The following CNRIP1 variants were observed in gnomAD, a reference collection of about 807,000 sequenced individuals.
CNRIP1 encodes the protein cannabinoid receptor interacting protein 1, also known as CB1 cannabinoid receptor-interacting protein 1.
CNRIP1 carries 10 observed loss-of-function variants against 15.2 expected under a neutral mutation model. The observed-to-expected ratio is 0.66, with a 90% CI of 0.41 to 1.12. The LOEUF is 1.12. CNRIP1 is among the 50% of genes most tolerant of loss of function. The probability of loss-of-function intolerance (pLI) is 0.00; values close to 1 mark genes in which losing one functional copy is unlikely to be tolerated. For synonymous variants in CNRIP1, 91 were observed against 83.2 expected (o/e 1.09, Z -0.51); for missense variants, 211 against 214.7 (o/e 0.98, Z 0.11).
intron 2 of CNRIP1, among the ~76,000 whole-genome samples, chr2:68,300,560 T>C (rs1313949918): frequency 6.6e-6 from 1 of 151,780 alleles, no homozygotes; most frequent in African/African-American, 2.4e-5. Context: ...GAGGTTGCAG[T>C]GAGCTGAGAT....
intron 2 of CNRIP1, among the ~76,000 whole-genome samples, chr2:68,307,237 G>A (rs1671888822): frequency 6.6e-6 from 1 of 152,050 alleles, no homozygotes; most frequent in Admixed American, 6.5e-5. Context: ...TTATACAATT[G>A]TATGTATTGT....
At chr2:68,298,443 T>G (rs1291781421) in intron 2 of CNRIP1, among the ~76,000 whole-genome samples, 1 of 152,044 alleles carries the variant, frequency 6.6e-6, no homozygotes, top group Non-Finnish European at 1.5e-5. Flanking sequence ...GAAATAAAAG[T>G]TGGTTATAAA....
intron 2 of CNRIP1, among the ~76,000 whole-genome samples, chr2:68,306,321 CAA>C (rs35066190): frequency 9.8e-4 from 84 of 85,658 alleles, no homozygotes; most frequent in Admixed American, 1.7e-3. Flanking sequence ...GATCCTATCT[CAA>C]AAAAAAAAAA....
chr2:68,286,972 G>T (rs1545290), intron 2 of CNRIP1, among the ~76,000 whole-genome samples: 13,061 of 152,236 alleles, frequency 0.086, 865 homozygotes, highest in East Asian at 0.19. Context: ...GTCAATGAAT[G>T]CTAATTTTGT....
intron 2 of CNRIP1, among the ~76,000 whole-genome samples, chr2:68,299,146 G>T (rs1158557072): frequency 6.6e-6 from 1 of 152,160 alleles, no homozygotes; most frequent in Non-Finnish European, 1.5e-5. Context: ...AATGATAGGA[G>T]CAGGACAAGA....
At chr2:68,308,046 G>T (rs1249574056) in intron 2 of CNRIP1, among the ~76,000 whole-genome samples, 1 of 151,904 alleles carries the variant, frequency 6.6e-6, no homozygotes, top group African/African-American at 2.4e-5. Context: ...TTTAAAAATT[G>T]GCTTGGCGTG....
chr2:68,286,436 T>C (rs1671034374), intron 2 of CNRIP1, among the ~76,000 whole-genome samples: 1 of 151,986 alleles, frequency 6.6e-6, no homozygotes, highest in Admixed American at 6.6e-5. Context: ...GGGTTTTGAG[T>C]TGGAAAAAAC....
intron 2 of CNRIP1, among the ~76,000 whole-genome samples, chr2:68,304,457 T>C (rs1422619486): frequency 6.6e-6 from 1 of 151,870 alleles, no homozygotes; most frequent in African/African-American, 2.4e-5. Flanking sequence ...TTTGAAGGTA[T>C]GTTTTAAGAA....
intron 2 of CNRIP1, chr2:68,316,373 C>G (rs1672271826): frequency 6.6e-6 from 1 of 152,148 alleles, no homozygotes; most frequent in East Asian, 1.9e-4. Context: ...AGAGGGCAGA[C>G]AGTTGAAGGT....
chr2:68,292,926 A>T, downstream of CNRIP1: 1 of 665,116 alleles, frequency 1.5e-6, no homozygotes. Context: ...ATCCTGTAGC[A>T]TACAGGCCTG....
In CNRIP1 at chr2:68,303,049, G is replaced by A. The variant is rs181693871; in HGVS notation, c.331-9023C>T. 9.5e-3 allele frequency among the ~76,000 whole-genome samples: 1,440 copies of A among 151,928 alleles called. 29 individuals carry two copies. Among genetic ancestry groups the A allele is most frequent in the African/African-American group, 0.033 (1,359 of 41,466 alleles). The stretch of plus-strand genomic sequence containing the variant: ...TTTTTAGTAGAGACGGGGTTTCACT[G>A]TGTTAGCCAGGATGGTCTCGATCTC... On this transcript the variant is annotated intron_variant, in intron 2 of 2. Transcript: ENST00000263655.
chr2:68,293,046 T>G lies in CNRIP1; in HGVS notation c.*816A>C. 1.0e-6 allele frequency: 1 copy of G among 985,402 alleles called. No individual in the cohort carries two copies. The highest frequency in any genetic ancestry group is 1.2e-6 in the Non-Finnish European group (1 of 829,906). The allele number at this position is 985,402 out of a possible 1,614,324, so 61.0% of individuals were successfully genotyped here. A position where few individuals can be genotyped will look rare whatever the true frequency, so the allele number is the denominator to read the frequency against. On this transcript the variant is annotated 3_prime_UTR_variant, in exon 3 of 3. Transcript: ENST00000263655. Reference sequence around the variant, plus strand: ...GCCTTTATTAAGAAATATCAAAAGTTGATTACAGGTCCATATGCAGTTTTA... The same window carrying G: ...GCCTTTATTAAGAAATATCAAAAGTGGATTACAGGTCCATATGCAGTTTTA...
chr2:68,302,558 C>T (rs1671650827), intron 2 of CNRIP1, among the ~76,000 whole-genome samples: 2 of 152,154 alleles, frequency 1.3e-5, no homozygotes, highest in African/African-American at 2.4e-5. Flanking sequence ...CTAGAATTAT[C>T]TGAAGATCAT....
chr2:68,293,370 A>G lies in CNRIP1; in HGVS notation c.*492T>C, dbSNP rs186735887. 9.5e-5 allele frequency: 94 copies of G among 986,792 alleles called. No individual in the cohort carries two copies. In the African/African-American group the frequency reaches 1.5e-3, roughly 16 times the overall value. 61.1% of individuals were successfully genotyped at this position (986,792 alleles called of 1,614,324 possible). On this transcript the variant is annotated 3_prime_UTR_variant, in exon 3 of 3. Coordinates refer to ENST00000263655, the MANE Select transcript of CNRIP1 (RefSeq NM_015463.3). ...TTGAGTCCCATTCACTGCTGTTTGT[A>G]TTACATTTTCACAAAGCCTGCTTTG...
chr2:68,309,584 G>A (rs1432273253), intron 2 of CNRIP1, among the ~76,000 whole-genome samples: 2 of 152,118 alleles, frequency 1.3e-5, no homozygotes, highest in African/African-American at 2.4e-5. Context: ...TCTAATCTAA[G>A]CACTGGCACT....
At chr2:68,307,453 C>T (rs1252773379) in intron 2 of CNRIP1, among the ~76,000 whole-genome samples, 2 of 152,164 alleles carry the variant, frequency 1.3e-5, no homozygotes, top group East Asian at 1.9e-4. Flanking sequence ...TCTGGAGTAG[C>T]TGAGACTACA....
At chr2:68,305,426 C>T (rs1384041259) in intron 2 of CNRIP1, among the ~76,000 whole-genome samples, 1 of 151,336 alleles carries the variant, frequency 6.6e-6, no homozygotes, top group African/African-American at 2.4e-5. Context: ...TTAGCAAGTC[C>T]CTGGATTATT....
Position 68,305,259 on chromosome 2 carries a change from A to AAAAAAAT in CNRIP1, c.331-11234_331-11233insATTTTTT, listed in dbSNP as rs1267101468. Among the ~76,000 whole-genome samples the AAAAAAAT allele has an allele frequency of 1.1e-3, 108 of 100,342 alleles. 1 individual carries two copies. Among genetic ancestry groups the AAAAAAAT allele is most frequent in the African/African-American group, 3.8e-3 (104 of 27,420 alleles). 65.8% of individuals were successfully genotyped at this position (100,342 alleles called of 152,430 possible). The stretch of plus-strand genomic sequence containing the variant: ...AACTCCGTCTCAAAAAAAAAAAAAA[A>AAAAAAAT]ATATATATATATATATGTGTGTGTG... On this transcript the variant is annotated intron_variant, in intron 2 of 2. Coordinates refer to ENST00000263655, the MANE Select transcript of CNRIP1 (RefSeq NM_015463.3).
At position 68,319,614 on chromosome 2, in the gene CNRIP1, C is replaced by T. The variant is rs1573044306; in HGVS notation, c.-214G>A. On this transcript the variant is annotated 5_prime_UTR_variant, in exon 1 of 3. Coordinates refer to ENST00000263655, the MANE Select transcript of CNRIP1 (RefSeq NM_015463.3). ...GGCTGTGGCCCCCCTCCCCACTCGG[C>T]GAGGAAGCGGGCCCAAGAGACGGCT... 1.2e-5 allele frequency: 6 copies of T among 510,920 alleles called. No homozygotes were observed. Among genetic ancestry groups the T allele is most frequent in the African/African-American group, 4.1e-5 (2 of 48,822 alleles). The allele number at this position is 510,920 out of a possible 1,614,324, so 31.6% of individuals were successfully genotyped here. A position where few individuals can be genotyped will look rare whatever the true frequency, so the allele number is the denominator to read the frequency against.
Sources: allele counts gnomAD v4.1 joint callset (sites outside exome capture counted in the v4.1 genomes callset), GRCh38; gene constraint gnomAD v4.1.1; transcripts MANE v1.5; gene names NCBI Gene and HGNC (gene_info 2026-07-23, HGNC 2026-07-21).